PLEKHA6: variants seen among roughly 807,000 people sequenced by gnomAD.
The protein encoded by PLEKHA6 is pleckstrin homology domain-containing family A member 6.
Under a neutral mutation model 116.7 loss-of-function variants are expected in PLEKHA6, and 60 were observed. The observed-to-expected ratio is 0.51, with a 90% CI of 0.42 to 0.64. The LOEUF (loss-of-function observed/expected upper bound fraction) is 0.64. Ranked by LOEUF, PLEKHA6 falls within the 30% of genes least tolerant of loss-of-function variation. PLEKHA6 has a pLI of 0.00. For missense variants in PLEKHA6, 1,338 were observed against 1,422.7 expected, an observed-to-expected ratio of 0.94 and a Z score of 0.96; for synonymous variants, 489 against 556.1, an observed-to-expected ratio of 0.88 and a Z score of 1.70.
intron 15 of PLEKHA6, chr1:204,243,286 C>G (rs1373289201): frequency 2.5e-6 from 1 of 399,674 alleles, no homozygotes; most frequent in East Asian, 3.6e-5. Context: ...GAAGCCAGAG[C>G]ATTAGGAGGA....
chr1:204,343,164 T>C (rs1672907161), intron 1 of PLEKHA6, among the ~76,000 whole-genome samples: 1 of 152,174 alleles, frequency 6.6e-6, no homozygotes, highest in African/African-American at 2.4e-5. Context: ...CACCAGTGAT[T>C]TGCAAATTTA....
chr1:204,301,712 C>G (rs1670839850), intron 1 of PLEKHA6, among the ~76,000 whole-genome samples: 1 of 152,156 alleles, frequency 6.6e-6, no homozygotes, highest in African/African-American at 2.4e-5. Context: ...GGGTGAGAAA[C>G]AAACATATCA....
upstream of PLEKHA6, among the ~76,000 whole-genome samples, chr1:204,364,863 A>C (rs746574394): frequency 2.0e-5 from 3 of 152,228 alleles, no homozygotes; most frequent in Admixed American, 6.5e-5. Flanking sequence ...GTGCTCCAAC[A>C]AACCCTCCAG....
chr1:204,298,004 G>T, intron 1 of PLEKHA6: 1 of 583,976 alleles, frequency 1.7e-6, no homozygotes. Flanking sequence ...TTCACAATTG[G>T]CTCTGGTCCC....
At chr1:204,346,256 T>G (rs987982450) in intron 1 of PLEKHA6, among the ~76,000 whole-genome samples, 3 of 152,192 alleles carry the variant, frequency 2.0e-5, no homozygotes, top group Admixed American at 1.3e-4. Flanking sequence ...ACTAGATTTC[T>G]GCACTGTCTG....
chr1:204,245,284 C>T (rs559205658), intron 14 of PLEKHA6, among the ~76,000 whole-genome samples: 1 of 152,078 alleles, frequency 6.6e-6, no homozygotes, highest in East Asian at 1.9e-4. Context: ...TCCCAGGGCT[C>T]AAGGAAAACT....
chr1:204,315,867 G>C (rs547092895), intron 1 of PLEKHA6, among the ~76,000 whole-genome samples: 1 of 152,212 alleles, frequency 6.6e-6, no homozygotes, highest in African/African-American at 2.4e-5. Context: ...GAGGCTGGGC[G>C]TTTTAGAGGG....
intron 1 of PLEKHA6, chr1:204,301,203 GCTCCAGAAGACAGGAGTTTC>G (rs1368132086): frequency 3.5e-5 from 34 of 978,350 alleles, no homozygotes; most frequent in Non-Finnish European, 4.1e-5. Context: ...CACCTCTCTA[GCTCCAGAAGACAGGAGTTTC>G]AGCAGAGTCA....
intron 1 of PLEKHA6, among the ~76,000 whole-genome samples, chr1:204,318,330 A>G (rs1671936407): frequency 6.6e-6 from 1 of 152,170 alleles, no homozygotes. Context: ...TCAGCAGGGT[A>G]GGTACTATTA....
In PLEKHA6 at chr1:204,277,759, T is replaced by C. The variant is rs979476563; in HGVS notation, c.-94-2950A>G. ...TTCTTCTGTGTGGACAGGAGCATAA[T>C]GAATGAAGGTCCTCTGCCCCTGTCC... On this transcript the variant is annotated intron_variant, in intron 1 of 22. Coordinates refer to ENST00000272203, the MANE Select transcript of PLEKHA6 (RefSeq NM_014935.5). The surrounding 1 kb of genome is among the most constrained non-coding windows in gnomAD (Gnocchi z 4.1). 4 of 152,216 alleles carry C rather than the reference T, an allele frequency of 2.6e-5. No individual in the cohort carries two copies. Among genetic ancestry groups the C allele is most frequent in the African/African-American group, 9.7e-5 (4 of 41,444 alleles). 9.4% of individuals were successfully genotyped at this position (152,216 alleles called of 1,614,324 possible).
At position 204,249,235 on chromosome 1, in the gene PLEKHA6, G is replaced by T; in HGVS notation, c.1623C>A (p.Asn541Lys). The T allele has an allele frequency of 6.2e-7, 1 of 1,613,778 alleles. No homozygotes were observed. The highest frequency in any genetic ancestry group is 8.5e-7 in the Non-Finnish European group (1 of 1,179,636). ...GCCGGTCCTGCTCCCTCACCACCTT[G>T]TTCTGCTCACACAATTTTCCCAGCA... ...DKLLGKLCEQNKVVREQDRLV... is the reference protein window; with the variant it reads ...DKLLGKLCEQKKVVREQDRLV... The change falls in exon 11 of 23, where the codon AAC becomes AAA. Residue 541 changes from asparagine (N) to lysine (K), a missense_variant. Transcript: ENST00000272203.
chr1:204,247,403 G>T lies in PLEKHA6; in HGVS notation c.1882C>A (p.His628Asn). 1.9e-6 allele frequency: 3 copies of T among 1,613,280 alleles called. No homozygotes were observed. Among genetic ancestry groups the T allele is most frequent in the Non-Finnish European group, 1.7e-6 (2 of 1,179,388 alleles). The change falls in exon 13 of 23, where the codon CAC becomes AAC. Residue 628 changes from histidine (H) to asparagine (N), a missense_variant. Around this residue, in one of 3 missense-constraint regions of PLEKHA6, gnomAD observed 1,136 missense variants for 1,163.6 expected, o/e 0.98. Coordinates refer to ENST00000272203, the MANE Select transcript of PLEKHA6 (RefSeq NM_014935.5). ...EHLESEVSAL[H>N]DDLWEQLNLD... ...TTGAGCTGCTCCCAGAGGTCATCGT[G>T]CAGGGCAGAGACCTCAGACTCGAGG...
Position 204,257,362 on chromosome 1 carries a change from G to T in PLEKHA6, c.1515C>A (p.Ser505Arg). The T allele has an allele frequency of 6.4e-7, 1 of 1,561,548 alleles. No homozygotes were observed. The highest frequency in any genetic ancestry group is 8.7e-7 in the Non-Finnish European group (1 of 1,152,366). Residue 505 changes from serine to arginine, a missense_variant, in exon 9 of 23, where the codon AGC becomes AGA. By Grantham distance (110) the Ser-to-Arg change is moderately radical (BLOSUM62 -1). Transcript: ENST00000272203. This position sits in a 1 kb window ranked among gnomAD's most constrained non-coding sequence, Gnocchi z 6.5. ...PAAYVMRRSI[S>R]SPKVPPYPEV... is the part of the protein sequence containing the mutation. ...CAGGCTGGTGGCTCACCTTGGGGGA[G>T]CTGATGGATCGCCTCATCACATAGG...
intron 5 of PLEKHA6, among the ~76,000 whole-genome samples, chr1:204,265,572 C>T (rs903487086): frequency 6.6e-6 from 1 of 152,202 alleles, no homozygotes. Context: ...GCATTGTTGA[C>T]CACTATCCTA....
intron 5 of PLEKHA6, among the ~76,000 whole-genome samples, chr1:204,266,586 T>C (rs1482434274): frequency 1.3e-5 from 2 of 152,204 alleles, no homozygotes; most frequent in Non-Finnish European, 2.9e-5. Flanking sequence ...AGCCCCTTCC[T>C]GATTTCCCTC....
Position 204,267,628 on chromosome 1 carries a change from G to A in PLEKHA6, c.208-81C>T, listed in dbSNP as rs189871562. The stretch of plus-strand genomic sequence containing the variant: ...GATGGGATGCAGGGAAAAGGGCACA[G>A]TGCCAATTATAAGGACATCCTGGCC... On this transcript the variant is annotated intron_variant, in intron 4 of 22. Transcript: ENST00000272203. 318 of 1,199,398 alleles carry A rather than the reference G, an allele frequency of 2.7e-4. 1 individual carries two copies. In the African/African-American group the frequency reaches 4.1e-3, roughly 15 times the overall value. The allele number at this position is 1,199,398 out of a possible 1,614,324, so 74.3% of individuals were successfully genotyped here.
rs376324168 is a variant in PLEKHA6, at chr1:204,329,707, A to G, written c.-95+29987T>C. On this transcript the variant is annotated intron_variant, in intron 1 of 22. Coordinates refer to ENST00000272203, the MANE Select transcript of PLEKHA6 (RefSeq NM_014935.5). ...CTACAGGGACAGCATAACATGTTAA[A>G]TGACACGATGAGGATGCAATCAGCC... Among the ~76,000 whole-genome samples the G allele has an allele frequency of 9.2e-5, 14 of 152,346 alleles. No homozygotes were observed. In the East Asian group the frequency reaches 2.5e-3, roughly 27 times the overall value.
At chr1:204,258,393 A>T (rs539340924) in intron 8 of PLEKHA6, among the ~76,000 whole-genome samples, 1 of 152,348 alleles carries the variant, frequency 6.6e-6, no homozygotes, top group Admixed American at 6.5e-5. Context: ...CCTGTAGAGT[A>T]GTAGCTGGGA....
intron 17 of PLEKHA6, among the ~76,000 whole-genome samples, chr1:204,240,648 G>A (rs1487000406): frequency 6.6e-6 from 1 of 152,184 alleles, no homozygotes; most frequent in Non-Finnish European, 1.5e-5. Context: ...GTCGTATTAT[G>A]TTAGGTGTAA....
Sources: allele counts gnomAD v4.1 joint callset (sites outside exome capture counted in the v4.1 genomes callset), GRCh38; gene constraint gnomAD v4.1.1; regional missense constraint gnomAD v4.1.1; non-coding constraint Gnocchi (gnomAD v3.1); transcripts MANE v1.5; gene names NCBI Gene and HGNC (gene_info 2026-07-23, HGNC 2026-07-21).